COL11A1: variants seen among roughly 807,000 people sequenced by gnomAD.
COL11A1 encodes collagen type XI alpha 1 chain.
A neutral mutation model predicts 265.2 loss-of-function variants in COL11A1; 74 were observed. The ratio of observed to expected loss-of-function variants is 0.28; its 90% confidence interval spans 0.23 to 0.34. The LOEUF (loss-of-function observed/expected upper bound fraction) is 0.34, where lower values mean the gene tolerates loss of function less well. Among genes scored for constraint, COL11A1 ranks in the 10% least tolerant of loss-of-function variants. COL11A1 has a pLI of 1.00. For synonymous variants in COL11A1, 816 were observed against 727.6 expected (o/e 1.12, Z -1.96); for missense variants, 2,165 against 2,263.6 (o/e 0.96, Z 0.88).
chr1:102,939,561 G>A (rs530474201), intron 43 of COL11A1, among the ~76,000 whole-genome samples: 1 of 146,218 alleles, frequency 6.8e-6, no homozygotes, highest in South Asian at 2.1e-4. Context: ...AAAGTTAGCT[G>A]CACATGGTGA....
chr1:102,878,481 T>TATATATATATATATATAC (rs1649800375), intron 66 of COL11A1, among the ~76,000 whole-genome samples: 1 of 89,428 alleles, frequency 1.1e-5, no homozygotes, highest in African/African-American at 5.7e-5. Context: ...TCCTCATATA[T>TATATATATATATATATAC]ATATATATAT....
intron 36 of COL11A1, among the ~76,000 whole-genome samples, chr1:102,974,396 A>G (rs1189264385): frequency 2.6e-5 from 4 of 152,174 alleles, no homozygotes; most frequent in African/African-American, 9.7e-5. Flanking sequence ...TAATATTAAT[A>G]TAAATAGATT....
chr1:103,097,060 G>A (rs991247867), intron 1 of COL11A1, among the ~76,000 whole-genome samples: 46 of 151,934 alleles, frequency 3.0e-4, no homozygotes, highest in African/African-American at 1.1e-3. Context: ...AGTAGGGTTG[G>A]CTATTCCAGA....
chr1:102,930,396 A>T (rs112502621), intron 46 of COL11A1, among the ~76,000 whole-genome samples: 2 of 151,674 alleles, frequency 1.3e-5, no homozygotes, highest in Non-Finnish European at 2.9e-5. Context: ...GATTACATTT[A>T]TTGATTTGCG....
chr1:103,047,781 A>G (rs905151229), intron 4 of COL11A1, among the ~76,000 whole-genome samples: 3 of 152,190 alleles, frequency 2.0e-5, no homozygotes, highest in Admixed American at 1.3e-4. Flanking sequence ...TGACCCATCA[A>G]TACCTAATTT....
intron 54 of COL11A1, among the ~76,000 whole-genome samples, chr1:102,908,573 A>G (rs947496752): frequency 2.0e-5 from 3 of 152,112 alleles, no homozygotes; most frequent in Non-Finnish European, 4.4e-5. Flanking sequence ...AGGTATATTT[A>G]ATCTTTTTCC....
chr1:102,914,767 A>T lies in COL11A1; in HGVS notation c.3861T>A (p.Pro1287=). 3.1e-6 allele frequency: 5 copies of T among 1,613,170 alleles called. No individual in the cohort carries two copies. Among genetic ancestry groups the T allele is most frequent in the Non-Finnish European group, 4.2e-6 (5 of 1,179,834 alleles). Residue 1287 remains proline, a synonymous_variant, in exon 51 of 67, where the codon CCT becomes CCA. Coordinates refer to ENST00000370096, the MANE Select transcript of COL11A1 (RefSeq NM_001854.4). ...TGGCACCTGGAGGTCCAGCAGCTCC[A>T]GGTGGACCAGCTTCCCCTTTCTCTC... ...ERGEKGEAGP[P]GAAGPPGAKG...
chr1:103,056,217 C>T (rs924922418), intron 4 of COL11A1, among the ~76,000 whole-genome samples: 1 of 151,944 alleles, frequency 6.6e-6, no homozygotes, highest in African/African-American at 2.4e-5. Context: ...AGAAAGTGTA[C>T]GGGAATCTGA....
At chr1:103,023,116 C>CA (rs1351621215) in intron 7 of COL11A1, 120 bp from the exon 8 acceptor site, 8 of 936,542 alleles carry the variant, frequency 8.5e-6, no homozygotes, top group Non-Finnish European at 1.3e-5. Flanking sequence ...ACTACTCAAG[C>CA]AACTCTAAAC....
chr1:102,906,731 T>A (rs1006181882), intron 54 of COL11A1, among the ~76,000 whole-genome samples: 1 of 152,096 alleles, frequency 6.6e-6, no homozygotes, highest in Non-Finnish European at 1.5e-5. Context: ...TTTTTCTTTT[T>A]CTTTTTTCAA....
At chr1:103,071,092 T>TA (rs1219246915) in intron 4 of COL11A1, among the ~76,000 whole-genome samples, 1 of 151,930 alleles carries the variant, frequency 6.6e-6, no homozygotes, top group Admixed American at 6.6e-5. Flanking sequence ...CTGAGGAGTT[T>TA]AAAAAAATGC....
intron 4 of COL11A1, among the ~76,000 whole-genome samples, chr1:103,058,337 T>C (rs1010123719): frequency 7.2e-5 from 11 of 152,224 alleles, no homozygotes; most frequent in Non-Finnish European, 1.6e-4. Context: ...TGTGGCTGGT[T>C]TGATCTTCTA....
intron 35 of COL11A1, among the ~76,000 whole-genome samples, chr1:102,975,283 C>CT (rs1662361873): frequency 7.6e-6 from 1 of 131,738 alleles, no homozygotes; most frequent in East Asian, 2.1e-4. Context: ...AAAAAAAAAA[C>CT]TGTTTTAAAA....
chr1:102,938,190 C>A (rs115269203), intron 44 of COL11A1, among the ~76,000 whole-genome samples: 10,635 of 151,884 alleles, frequency 0.07, 412 homozygotes, highest in Non-Finnish European at 0.087. Context: ...TTAATGTAGG[C>A]AGTAAATCCA....
intron 40 of COL11A1, 108 bp downstream of exon 40, chr1:102,962,068 A>T: frequency 1.9e-6 from 2 of 1,062,168 alleles, no homozygotes; most frequent in Non-Finnish European, 2.9e-6. Context: ...AATCAAATAT[A>T]TATGTTTATA....
intron 1 of COL11A1, among the ~76,000 whole-genome samples, chr1:103,085,833 A>G (rs959487018): frequency 2.0e-5 from 3 of 152,194 alleles, no homozygotes; most frequent in African/African-American, 7.2e-5. Context: ...GCTAATCATA[A>G]TAACTGCCAG....
chr1:102,894,975 G>A (rs116052687), intron 57 of COL11A1, among the ~76,000 whole-genome samples: 1,945 of 152,006 alleles, frequency 0.013, 53 homozygotes, highest in African/African-American at 0.045. Context: ...AGTTCCATAC[G>A]GTGATCTAAG....
At chr1:102,942,498 A>T (rs892850906) in intron 42 of COL11A1, among the ~76,000 whole-genome samples, 2 of 152,136 alleles carry the variant, frequency 1.3e-5, no homozygotes, top group Admixed American at 6.6e-5. Flanking sequence ...AATCTGCACA[A>T]CTACTGGAAA....
intron 54 of COL11A1, among the ~76,000 whole-genome samples, chr1:102,905,938 A>G (rs994461015): frequency 2.0e-5 from 3 of 152,176 alleles, no homozygotes; most frequent in Non-Finnish European, 4.4e-5. Flanking sequence ...TAACTTTACC[A>G]TGAATTTATT....
Sources: allele counts gnomAD v4.1 joint callset (sites outside exome capture counted in the v4.1 genomes callset), GRCh38; gene constraint gnomAD v4.1.1; transcripts MANE v1.5; gene names NCBI Gene and HGNC (gene_info 2026-07-23, HGNC 2026-07-21).